Variants in CSF3R observed in about 807,000 individuals in gnomAD.
CSF3R encodes granulocyte colony-stimulating factor receptor.
In CSF3R, 52 loss-of-function variants were observed where a neutral mutation model predicts 84.4. The ratio of observed to expected loss-of-function variants is 0.62; its 90% CI spans 0.49 to 0.78. The LOEUF (loss-of-function observed/expected upper bound fraction) is 0.78. Ranked by LOEUF, CSF3R falls within the 30% of genes least tolerant of loss-of-function variation. The pLI is 0.00. For synonymous variants in CSF3R, 384 were observed against 429.1 expected, an observed-to-expected ratio of 0.89 and a Z score of 1.30; for missense variants, 890 against 1,055.7, an observed-to-expected ratio of 0.84 and a Z score of 2.17.
chr1:36,471,762 G>A, intron 9 of CSF3R, 116 bp from the exon 10 acceptor site: 1 of 1,020,486 alleles, frequency 9.8e-7, no homozygotes, highest in Admixed American at 2.1e-5. Flanking sequence ...CTGGGGTCCA[G>A]GCTTCTCACC....
chr1:36,474,226 G>T (rs1185622877), intron 4 of CSF3R, among the ~76,000 whole-genome samples: 1 of 152,092 alleles, frequency 6.6e-6, no homozygotes, highest in African/African-American at 2.4e-5. Flanking sequence ...TTATTTAACT[G>T]CTCCATGCCT....
intron 10 of CSF3R, among the ~76,000 whole-genome samples, 170 bp from the exon 11 acceptor site, chr1:36,470,010 T>G (rs981414448): frequency 2.6e-5 from 4 of 152,196 alleles, no homozygotes; most frequent in Non-Finnish European, 5.9e-5. Flanking sequence ...ATGATAAAAG[T>G]TCCTAACTCA....
At position 36,472,924 on chromosome 1, in the gene CSF3R, C is replaced by T. The variant is rs1034362810; in HGVS notation, c.674-238G>A. On this transcript the variant is annotated intron_variant, in intron 6 of 16. Transcript: ENST00000373106. The surrounding 1 kb of genome is among the most constrained non-coding windows in gnomAD (Gnocchi z 5.0). ...AAATGTTTTCCCTCCAGATATCCAG[C>T]GGCTTGCTCCCTCATTTCCTTCAAG... 8 of 538,026 alleles carry T rather than the reference C, an allele frequency of 1.5e-5. No individual in the cohort carries two copies. The highest frequency in any genetic ancestry group is 1.1e-4 in the South Asian group (4 of 36,518). The allele number at this position is 538,026 out of a possible 1,614,324, so 33.3% of individuals were successfully genotyped here.
intron 9 of CSF3R, 129 bp from the exon 10 acceptor site, chr1:36,471,775 C>G (rs373866045): frequency 3.3e-6 from 3 of 920,506 alleles, no homozygotes; most frequent in Non-Finnish European, 5.0e-6. Flanking sequence ...TTCTCACCCC[C>G]CTCCCCTTTT....
Position 36,469,759 on chromosome 1 carries a change from G to A in CSF3R, c.1367C>T (p.Pro456Leu). 1 of 1,614,204 alleles carries A rather than the reference G, an allele frequency of 6.2e-7. No individual in the cohort carries two copies. The highest frequency in any genetic ancestry group is 8.5e-7 in the Non-Finnish European group (1 of 1,180,026). ...GCCCCACTCAATCACATAGCCCTGA[G>A]GCCATGGATTGGGGGGCTCCCAGCC... ...WVGWEPPNPW[P>L]QGYVIEWGLG... is the part of the protein sequence containing the mutation. Residue 456 changes from proline to leucine, a missense_variant, in exon 11 of 17, where the codon CCT (proline) becomes CTT (leucine). Pro to Leu is a moderately conservative substitution (Grantham distance 98). Transcript: ENST00000373106.
Position 36,472,286 on chromosome 1 carries a change from G to A in CSF3R, c.949C>T (p.His317Tyr). ...AGGCTGGGGCTCCAGTCGCTCCAGTGGCCAGGCAGGGGCCAGCGGATGCAG... is the reference window on the plus strand; with the variant it reads ...AGGCTGGGGCTCCAGTCGCTCCAGTAGCCAGGCAGGGGCCAGCGGATGCAG... Reference protein sequence around the residue: ...IRCIRWPLPGHWSDWSPSLEL... With the variant: ...IRCIRWPLPGYWSDWSPSLEL... Residue 317 changes from histidine (H) to tyrosine (Y), a missense_variant, in exon 8 of 17, where the codon CAC becomes TAC. Physicochemically the swap from His to Tyr is moderately conservative, Grantham distance 83. Coordinates refer to ENST00000373106, the MANE Select transcript of CSF3R (RefSeq NM_000760.4). This position sits in a 1 kb window ranked among gnomAD's most constrained non-coding sequence, Gnocchi z 5.0. 6.2e-7 allele frequency: 1 copy of A among 1,614,206 alleles called. No individual in the cohort carries two copies. Among genetic ancestry groups the A allele is most frequent in the Non-Finnish European group, 8.5e-7 (1 of 1,180,032 alleles).
At position 36,467,518 on chromosome 1, in the gene CSF3R, G is replaced by A. The variant is rs757075848; in HGVS notation, c.1958+40C>T. On this transcript the variant is annotated intron_variant, in intron 15 of 16. Transcript: ENST00000373106. The surrounding 1 kb of genome is among the most constrained non-coding windows in gnomAD (Gnocchi z 4.1). ...CATCTGGACCTGAGGTTCCCTGTGGGTGGGGGAAGCAGGATCTCAGGTCTC... is the reference window on the plus strand; with the variant it reads ...CATCTGGACCTGAGGTTCCCTGTGGATGGGGGAAGCAGGATCTCAGGTCTC... 1.9e-6 allele frequency: 3 copies of A among 1,589,334 alleles called. No homozygotes were observed. Among genetic ancestry groups the A allele is most frequent in the East Asian group, 2.2e-5 (1 of 44,640 alleles).
chr1:36,472,018 G>A lies in CSF3R; in HGVS notation c.1071+48C>T. 1 of 1,580,784 alleles carries A rather than the reference G, an allele frequency of 6.3e-7. No homozygotes were observed. On this transcript the variant is annotated intron_variant, in intron 9 of 16. Coordinates refer to ENST00000373106, the MANE Select transcript of CSF3R (RefSeq NM_000760.4). The surrounding 1 kb of genome is among the most constrained non-coding windows in gnomAD (Gnocchi z 5.0). ...GCCCCGGTTTGTAGGGATCTGTTTGGACTGCGGGAGGTGTCGAGGTGGAGG... is the reference window on the plus strand; with the variant it reads ...GCCCCGGTTTGTAGGGATCTGTTTGAACTGCGGGAGGTGTCGAGGTGGAGG...
Position 36,472,634 on chromosome 1 carries a change from G to T in CSF3R, c.726C>A (p.Ala242=), listed in dbSNP as rs3918017. Residue 242 remains alanine, a synonymous_variant, in exon 7 of 17, where the codon GCC becomes GCA. Transcript: ENST00000373106. The surrounding 1 kb of genome is among the most constrained non-coding windows in gnomAD (Gnocchi z 5.0). The part of the protein sequence containing the change: ...LRTMDPSPEA[A]PPQAGCLQLC... ...GCTGTAGGCAGCCTGCCTGGGGAGG[G>T]GCCGCTTCAGGGCTGGGGTCCATGG... 1 of 1,611,904 alleles carries T rather than the reference G, an allele frequency of 6.2e-7. No individual in the cohort carries two copies. The highest frequency in any genetic ancestry group is 8.5e-7 in the Non-Finnish European group (1 of 1,178,858).
chr1:36,475,381 T>A lies in CSF3R; in HGVS notation c.357A>T (p.Ala119=). ...LQILDQVELR[A]GYPPAIPHNL... is the part of the protein sequence containing the mutation. The stretch of plus-strand genomic sequence containing the variant: ...TGGATGGCTGGAAGGACTTACAGCC[T>A]GCGCGCAGCTCAACCTGGTCCAGGA... The change falls in exon 4 of 17, where the codon GCA becomes GCT. Residue 119 remains alanine (A), a synonymous_variant. Transcript: ENST00000373106. 2 of 1,613,816 alleles carry A rather than the reference T, an allele frequency of 1.2e-6. No individual in the cohort carries two copies. Among genetic ancestry groups the A allele is most frequent in the Non-Finnish European group, 1.7e-6 (2 of 1,180,038 alleles).
chr1:36,477,369 C>T, intron 3 of CSF3R: 1 of 152,592 alleles, frequency 6.6e-6, no homozygotes, highest in Non-Finnish European at 1.5e-5. Flanking sequence ...AGCGATTCTC[C>T]TGCCTCAGCC....
chr1:36,469,621 GGCCCT>G, intron 11 of CSF3R, 26 bp downstream of exon 11: 1 of 1,612,812 alleles, frequency 6.2e-7, no homozygotes, highest in Non-Finnish European at 8.5e-7. Context: ...CTTTGTCCCT[GGCCCT>G]GCCCAACTTT....
chr1:36,481,259 C>G lies in CSF3R; in HGVS notation c.-21+219G>C, dbSNP rs576258369. Among the ~76,000 whole-genome samples, 7 of 152,338 alleles carry G rather than the reference C, an allele frequency of 4.6e-5. No individual in the cohort carries two copies. The South Asian group carries it at 1.0e-3, about 23-fold the overall frequency. On this transcript the variant is annotated intron_variant, in intron 2 of 16. Coordinates refer to ENST00000373106, the MANE Select transcript of CSF3R (RefSeq NM_000760.4). ...CTGTCCAGAGTAGACAACCTAACCCCAAGAGGCCCCGGCATCCTTCCCCTG... is the reference window on the plus strand; with the variant it reads ...CTGTCCAGAGTAGACAACCTAACCCGAAGAGGCCCCGGCATCCTTCCCCTG...
chr1:36,471,887 G>A, intron 9 of CSF3R, 179 bp downstream of exon 9: 1 of 712,372 alleles, frequency 1.4e-6, no homozygotes, highest in Non-Finnish European at 2.4e-6. Flanking sequence ...ACTGTGACGT[G>A]CGTTACAGTC....
Position 36,467,150 on chromosome 1 carries a change from A to C in CSF3R, c.2040+80T>G. 6.8e-7 allele frequency: 1 copy of C among 1,479,502 alleles called. No individual in the cohort carries two copies. Among genetic ancestry groups the C allele is most frequent in the Non-Finnish European group, 9.5e-7 (1 of 1,058,002 alleles). The allele number at this position is 1,479,502 out of a possible 1,614,324, so 91.6% of individuals were successfully genotyped here. On this transcript the variant is annotated intron_variant, in intron 16 of 16. Transcript: ENST00000373106. This position sits in a 1 kb window ranked among gnomAD's most constrained non-coding sequence, Gnocchi z 4.1. ...CCGGAAGTGACAGGAAGGCCTGAGT[A>C]CTTGGCTTCAGAAGGTGTCCCTTCA...
Position 36,473,777 on chromosome 1 carries a change from G to T in CSF3R, c.472C>A (p.Leu158Met). 1 of 1,614,248 alleles carries T rather than the reference G, an allele frequency of 6.2e-7. No individual in the cohort carries two copies. The highest frequency in any genetic ancestry group is 1.1e-5 in the South Asian group (1 of 91,086). The change falls in exon 5 of 17, where the codon CTG (leucine) becomes ATG (methionine). Residue 158 changes from leucine to methionine, a missense_variant. Physicochemically the swap from Leu to Met is conservative, Grantham distance 15. Transcript: ENST00000373106. Reference sequence around the variant, plus strand: ...GCCCCTCCTCACTTGAAACTCTTCAGAGTGAAGCTGGTGGGTAGGTGGGTC... The same window carrying T: ...GCCCCTCCTCACTTGAAACTCTTCATAGTGAAGCTGGTGGGTAGGTGGGTC... ...PETHLPTSFT[L>M]KSFKSRGNCQ...
At position 36,467,872 on chromosome 1, in the gene CSF3R, T is replaced by G. The variant is rs571604771; in HGVS notation, c.1814A>C (p.Gln605Pro). Residue 605 changes from glutamine (Q) to proline (P), a missense_variant, in exon 14 of 17, where the codon CAG becomes CCG. Physicochemically the swap from Gln to Pro is moderately conservative, Grantham distance 76. Transcript: ENST00000373106. The surrounding 1 kb of genome is among the most constrained non-coding windows in gnomAD (Gnocchi z 4.1). ...LYHIHLMAASQAGATNSTVLT... is the reference protein window; with the variant it reads ...LYHIHLMAASPAGATNSTVLT... ...GACTGTACTGTTGGTGGCCCCAGCC[T>G]GGCTGGCAGCCATGAGGTGGATGTG... 3 of 1,614,250 alleles carry G rather than the reference T, an allele frequency of 1.9e-6. No homozygotes were observed. Among genetic ancestry groups the G allele is most frequent in the Non-Finnish European group, 2.5e-6 (3 of 1,180,046 alleles).
chr1:36,469,549 A>T, intron 11 of CSF3R, 103 bp downstream of exon 11: 1 of 1,343,266 alleles, frequency 7.4e-7, no homozygotes, highest in Non-Finnish European at 1.1e-6. Context: ...AAGGCTGGAG[A>T]ATCCATGTCT....
chr1:36,468,280 G>A, intron 12 of CSF3R, 59 bp from the exon 13 acceptor site: 1 of 1,509,370 alleles, frequency 6.6e-7, no homozygotes, highest in East Asian at 2.3e-5. Context: ...GAGCCCGGTT[G>A]GACTTCTTGT....
Sources: allele counts gnomAD v4.1 joint callset (sites outside exome capture counted in the v4.1 genomes callset), GRCh38; gene constraint gnomAD v4.1.1; non-coding constraint Gnocchi (gnomAD v3.1); transcripts MANE v1.5; gene names NCBI Gene and HGNC (gene_info 2026-07-23, HGNC 2026-07-21).